Variants in CELSR1 observed in about 807,000 individuals in gnomAD.
The protein encoded by CELSR1 is cadherin EGF LAG seven-pass G-type receptor 1.
A neutral mutation model predicts 249.1 loss-of-function variants in CELSR1; 110 were observed. That is an observed-to-expected ratio of 0.44 (90% confidence interval 0.38 to 0.52). CELSR1 has a LOEUF of 0.52. Among genes scored for constraint, CELSR1 ranks in the 20% least tolerant of loss-of-function variants. The probability of loss-of-function intolerance (pLI) is 0.00; values close to 1 mark genes in which losing one functional copy is unlikely to be tolerated. For synonymous variants in CELSR1, 2,113 were observed against 1,900.0 expected (o/e 1.11, Z -2.92); for missense variants, 4,109 against 4,296.4 (o/e 0.96, Z 1.22).
rs1203730589 is a variant in CELSR1, at chr22:46,464,294, G to A, written c.3596C>T (p.Thr1199Met). The A allele has an allele frequency of 5.6e-6, 9 of 1,613,438 alleles. No individual in the cohort carries two copies. The highest frequency in any genetic ancestry group is 1.7e-4 in the Middle Eastern group (1 of 6,002). Residue 1199 changes from threonine (T) to methionine (M), a missense_variant, in exon 2 of 35, where the codon ACG (threonine) becomes ATG (methionine). Coordinates refer to ENST00000674500, the MANE Select transcript of CELSR1 (RefSeq NM_001378328.1). This position sits in a 1 kb window ranked among gnomAD's most constrained non-coding sequence, Gnocchi z 8.5. ...GATGCTGTTGGTCAGCATGTCGTCC[G>A]TGATGATGGTGACACGCAGGGTGCA... is the stretch of plus-strand genomic sequence containing the variant. ...AFCTLRVTII[T>M]DDMLTNSITV... is the part of the protein sequence containing the mutation.
rs192520759 is a variant in CELSR1, at chr22:46,402,871, T to G, written c.5227-2969A>C. On this transcript the variant is annotated intron_variant, in intron 9 of 34. Coordinates refer to ENST00000674500, the MANE Select transcript of CELSR1 (RefSeq NM_001378328.1). The surrounding 1 kb of genome is among the most constrained non-coding windows in gnomAD (Gnocchi z 5.0). ...ATAACTTCAAAAAATAGCCTAGATT[T>G]TAGAAAAACAACTATTAGCACACTG... Among the ~76,000 whole-genome samples the G allele has an allele frequency of 2.9e-4, 44 of 152,176 alleles. No individual in the cohort carries two copies. The highest frequency in any genetic ancestry group is 9.9e-4 in the African/African-American group (41 of 41,512).
chr22:46,391,853 G>A lies in CELSR1; in HGVS notation c.5965-37C>T, dbSNP rs1242171463. The A allele has an allele frequency of 6.3e-7, 1 of 1,586,060 alleles. No individual in the cohort carries two copies. Among genetic ancestry groups the A allele is most frequent in the South Asian group, 1.1e-5 (1 of 87,498 alleles). On this transcript the variant is annotated intron_variant, in intron 14 of 34. Coordinates refer to ENST00000674500, the MANE Select transcript of CELSR1 (RefSeq NM_001378328.1). This position sits in a 1 kb window ranked among gnomAD's most constrained non-coding sequence, Gnocchi z 4.3. ...AGAGGCAGGGCCTGTGACTTCAGAT[G>A]CCCGGGAGAGGCCCTACCTTGCAGC...
rs909052539 is a variant in CELSR1, at chr22:46,376,618, C to T, written c.7584+443G>A. On this transcript the variant is annotated intron_variant, in intron 24 of 34. Transcript: ENST00000674500. ...TTCCTGACCTCAAGTGATCTGCCTG[C>T]CTCAGCCTCCCAAAGGGATCCTGGT... 2.0e-5 allele frequency among the ~76,000 whole-genome samples: 3 copies of T among 152,168 alleles called. No homozygotes were observed. The East Asian group carries it at 5.8e-4, about 29-fold the overall frequency.
chr22:46,455,597 G>A (rs2079939047), intron 2 of CELSR1, among the ~76,000 whole-genome samples: 1 of 152,122 alleles, frequency 6.6e-6, no homozygotes, highest in South Asian at 2.1e-4. Flanking sequence ...CACTGCACTT[G>A]GCTTGAGACA....
chr22:46,514,306 C>T (rs367877281), intron 1 of CELSR1, among the ~76,000 whole-genome samples: 5 of 152,270 alleles, frequency 3.3e-5, no homozygotes, highest in South Asian at 4.1e-4. Context: ...ACAATGGAGC[C>T]GGCATTTCTG....
In CELSR1 at chr22:46,423,209, C is replaced by T. The variant is rs1281876866; in HGVS notation, c.4611+10184G>A. 6.6e-6 allele frequency among the ~76,000 whole-genome samples: 1 copy of T among 152,252 alleles called. No individual in the cohort carries two copies. The highest frequency in any genetic ancestry group is 1.5e-5 in the Non-Finnish European group (1 of 68,046). On this transcript the variant is annotated intron_variant, in intron 5 of 34. Transcript: ENST00000674500. The surrounding 1 kb of genome is among the most constrained non-coding windows in gnomAD (Gnocchi z 5.6). ...AGGCCCCAGCTGCCATGGCTAACGG[C>T]CAGGTCATATGAGTGAGGCCTTCAC...
At chr22:46,507,932 T>G (rs2084762004) in intron 1 of CELSR1, among the ~76,000 whole-genome samples, 1 of 152,176 alleles carries the variant, frequency 6.6e-6, no homozygotes, top group Non-Finnish European at 1.5e-5. Flanking sequence ...TCAGCCGTCC[T>G]GTGCCGTGGC....
intron 1 of CELSR1, among the ~76,000 whole-genome samples, chr22:46,492,964 A>G (rs891231764): frequency 6.6e-6 from 1 of 152,232 alleles, no homozygotes; most frequent in Non-Finnish European, 1.5e-5. Flanking sequence ...GTAAGAGAAC[A>G]GACTAAACAA....
In CELSR1 at chr22:46,506,892, C is replaced by G. The variant is rs2080520396; in HGVS notation, c.3544+26735G>C. On this transcript the variant is annotated intron_variant, in intron 1 of 34. Transcript: ENST00000674500. The surrounding 1 kb of genome is among the most constrained non-coding windows in gnomAD (Gnocchi z 4.1). ...CTGCACACACAGGAAGTCCTTTTTT[C>G]CAACACATAAAAACCGATTCCAGGC... 1.3e-5 allele frequency among the ~76,000 whole-genome samples: 2 copies of G among 152,156 alleles called. No individual in the cohort carries two copies. Among genetic ancestry groups the G allele is most frequent in the Non-Finnish European group, 2.9e-5 (2 of 68,028 alleles).
At chr22:46,453,110 GGGCCT>G (rs1000524573) in intron 2 of CELSR1, among the ~76,000 whole-genome samples, 1 of 152,230 alleles carries the variant, frequency 6.6e-6, no homozygotes, top group Non-Finnish European at 1.5e-5. Context: ...GCAGGTTGGG[GGGCCT>G]GGATGTGGGG....
rs192885938 is a variant in CELSR1, at chr22:46,447,839, C to A, written c.4184-8428G>T. 6.6e-6 allele frequency among the ~76,000 whole-genome samples: 1 copy of A among 152,204 alleles called. No individual in the cohort carries two copies. Among genetic ancestry groups the A allele is most frequent in the Admixed American group, 6.5e-5 (1 of 15,288 alleles). On this transcript the variant is annotated intron_variant, in intron 2 of 34. Transcript: ENST00000674500. This position sits in a 1 kb window ranked among gnomAD's most constrained non-coding sequence, Gnocchi z 4.7. Reference sequence around the variant, plus strand: ...TTCACCATGTTGGCCAGGCTGGTCTCGAACTCCTGACCTCAGGTGATCTGC... The same window carrying A: ...TTCACCATGTTGGCCAGGCTGGTCTAGAACTCCTGACCTCAGGTGATCTGC...
intron 24 of CELSR1, among the ~76,000 whole-genome samples, chr22:46,375,374 CCT>C (rs1264531083): frequency 1.3e-5 from 2 of 152,096 alleles, no homozygotes; most frequent in East Asian, 1.9e-4. Context: ...GTCAAACTCC[CCT>C]GACTCCTCCT....
In CELSR1 at chr22:46,427,074, A is replaced by G. The variant is rs1259187375; in HGVS notation, c.4611+6319T>C. Among the ~76,000 whole-genome samples the G allele has an allele frequency of 6.6e-6, 1 of 152,212 alleles. No individual in the cohort carries two copies. Among genetic ancestry groups the G allele is most frequent in the Non-Finnish European group, 1.5e-5 (1 of 68,042 alleles). ...GGAGTGATAGATAAATAGGAAAAAA[A>G]GATCAATATGAAGTGTGTGTGCATG... On this transcript the variant is annotated intron_variant, in intron 5 of 34. Transcript: ENST00000674500. The surrounding 1 kb of genome is among the most constrained non-coding windows in gnomAD (Gnocchi z 4.2).
chr22:46,449,952 G>GCACTTACATGCTCACACA (rs1555919991), intron 2 of CELSR1, among the ~76,000 whole-genome samples: 2 of 150,730 alleles, frequency 1.3e-5, no homozygotes, highest in Non-Finnish European at 3.0e-5. Context: ...TCACATGCAC[G>GCACTTACATGCTCACACA]CACTCACATG....
At chr22:46,403,121 C>T (rs1396906881) in intron 9 of CELSR1, among the ~76,000 whole-genome samples, 1 of 152,072 alleles carries the variant, frequency 6.6e-6, no homozygotes, top group Non-Finnish European at 1.5e-5. Flanking sequence ...TTGTATGCAC[C>T]TAATAACCTG....
Position 46,417,847 on chromosome 22 carries a change from T to C in CELSR1, c.4612-6088A>G, listed in dbSNP as rs191876437. On this transcript the variant is annotated intron_variant, in intron 5 of 34. Coordinates refer to ENST00000674500, the MANE Select transcript of CELSR1 (RefSeq NM_001378328.1). The surrounding 1 kb of genome is among the most constrained non-coding windows in gnomAD (Gnocchi z 4.1). ...GTGGCTGATATTACTATCATCCTCA[T>C]TCTCAACTCAGAGTCCAGCTGGGCG... is the stretch of plus-strand genomic sequence containing the variant. 2.5e-4 allele frequency among the ~76,000 whole-genome samples: 38 copies of C among 152,358 alleles called. No homozygotes were observed. Among genetic ancestry groups the C allele is most frequent in the Admixed American group, 2.4e-3 (36 of 15,314 alleles).
chr22:46,512,472 T>G lies in CELSR1; in HGVS notation c.3544+21155A>C, dbSNP rs1385143743. On this transcript the variant is annotated intron_variant, in intron 1 of 34. Transcript: ENST00000674500. The surrounding 1 kb of genome is among the most constrained non-coding windows in gnomAD (Gnocchi z 5.2). ...CTATAATCCCAGCTACGTAGAAGGCTGAGGCACGAGAATTGCTTGAACCCG... is the reference window on the plus strand; with the variant it reads ...CTATAATCCCAGCTACGTAGAAGGCGGAGGCACGAGAATTGCTTGAACCCG... Among the ~76,000 whole-genome samples, 1 of 152,190 alleles carries G rather than the reference T, an allele frequency of 6.6e-6. No individual in the cohort carries two copies. The highest frequency in any genetic ancestry group is 1.5e-5 in the Non-Finnish European group (1 of 68,028).
chr22:46,439,911 C>A (rs1309718071), intron 2 of CELSR1, among the ~76,000 whole-genome samples: 4 of 152,140 alleles, frequency 2.6e-5, no homozygotes, highest in African/African-American at 9.7e-5. Flanking sequence ...AGGCCACCTG[C>A]CCTGACTGCC....
At position 46,409,530 on chromosome 22, in the gene CELSR1, C is replaced by T. The variant is rs979333038; in HGVS notation, c.5059+225G>A. Among the ~76,000 whole-genome samples, 5 of 152,142 alleles carry T rather than the reference C, an allele frequency of 3.3e-5. No homozygotes were observed. The highest frequency in any genetic ancestry group is 7.2e-5 in the African/African-American group (3 of 41,420). On this transcript the variant is annotated intron_variant, in intron 8 of 34. Coordinates refer to ENST00000674500, the MANE Select transcript of CELSR1 (RefSeq NM_001378328.1). The surrounding 1 kb of genome is among the most constrained non-coding windows in gnomAD (Gnocchi z 9.8). ...GGCTCTGCCGGCCCAGCCTACCTGTCCCACCCCACACCTGAGGGACTGGGG... is the reference window on the plus strand; with the variant it reads ...GGCTCTGCCGGCCCAGCCTACCTGTTCCACCCCACACCTGAGGGACTGGGG...
Sources: gnomAD v4.1 joint callset for allele counts (sites outside exome capture counted in the v4.1 genomes callset) on GRCh38, gnomAD v4.1.1 for gene constraint, Gnocchi (gnomAD v3.1) non-coding constraint, MANE v1.5 for transcripts, NCBI Gene and HGNC (gene_info 2026-07-23, HGNC 2026-07-21) for gene names.